ADD3: variants seen among roughly 807,000 people sequenced by gnomAD.
ADD3 encodes gamma-adducin.
ADD3 carries 25 observed loss-of-function variants against 80.2 expected under a neutral mutation model. The ratio of observed to expected loss-of-function variants is 0.31; its 90% CI spans 0.23 to 0.44. ADD3 has a LOEUF of 0.44. ADD3 is among the 20% of genes least tolerant of loss of function. The pLI is 1.00. For synonymous variants in ADD3, 284 were observed against 289.6 expected (o/e 0.98, Z 0.20); for missense variants, 829 against 847.5 (o/e 0.98, Z 0.27).
At chr10:110,054,986 C>A (rs970865722) in intron 1 of ADD3, among the ~76,000 whole-genome samples, 3 of 152,102 alleles carry the variant, frequency 2.0e-5, no homozygotes, top group Non-Finnish European at 2.9e-5. Context: ...TGGTTTTGAA[C>A]TCCTGACCTC....
chr10:110,116,969 A>G (rs905079243), intron 4 of ADD3, among the ~76,000 whole-genome samples: 1 of 152,006 alleles, frequency 6.6e-6, no homozygotes, highest in African/African-American at 2.4e-5. Context: ...CTAGGAAGAG[A>G]TTTTGTTCTC....
intron 1 of ADD3, chr10:110,077,224 ATTC>A (rs755003807): frequency 3.6e-4 from 55 of 152,094 alleles, no homozygotes; most frequent in Non-Finnish European, 6.2e-4. Context: ...AACATGCAAT[ATTC>A]TTCTTTGGGA....
In ADD3 at chr10:110,132,348, A is replaced by C. The variant is rs1853134320; in HGVS notation, c.1776A>C (p.Ser592=). The change falls in exon 14 of 15, where the codon TCA becomes TCC. Residue 592 remains serine (S), a synonymous_variant. Transcript: ENST00000356080. ...TCTCAGATGACGCTTCATCTGTTTCACAAATTCAGTCTCAAACTCAGTCAC... is the reference window on the plus strand; with the variant it reads ...TCTCAGATGACGCTTCATCTGTTTCCCAAATTCAGTCTCAAACTCAGTCAC... The part of the protein sequence containing the change: ...ELLSDDASSV[S]QIQSQTQSPQ... 1.9e-6 allele frequency: 3 copies of C among 1,613,842 alleles called. No individual in the cohort carries two copies. Among genetic ancestry groups the C allele is most frequent in the Non-Finnish European group, 2.5e-6 (3 of 1,179,960 alleles).
intron 12 of ADD3, among the ~76,000 whole-genome samples, chr10:110,129,216 C>G (rs1306857175): frequency 6.6e-6 from 1 of 151,008 alleles, no homozygotes; most frequent in African/African-American, 2.4e-5. Flanking sequence ...ATGGCGTGAC[C>G]TCAGCTCACG....
chr10:110,003,071 C>T (rs1217673865), upstream of ADD3, among the ~76,000 whole-genome samples: 1 of 152,096 alleles, frequency 6.6e-6, no homozygotes, highest in Non-Finnish European at 1.5e-5. Context: ...ATGAATGGCT[C>T]ATCTAACTCC....
In ADD3 at chr10:110,030,310, C is replaced by T. The variant is rs11194961; in HGVS notation, c.-30+22011C>T. ...TGCACTCCAGCCTGGGCAATAAGAG[C>T]GAAACTCCATCTTAAAAAAAAAAAA... On this transcript the variant is annotated intron_variant, in intron 1 of 14. Transcript: ENST00000356080. Among the ~76,000 whole-genome samples, 12 of 142,184 alleles carry T rather than the reference C, an allele frequency of 8.4e-5. No homozygotes were observed. In the East Asian group the frequency reaches 1.8e-3, roughly 21 times the overall value. 93.3% of individuals were successfully genotyped at this position (142,184 alleles called of 152,430 possible). A position where few individuals can be genotyped will look rare whatever the true frequency, so the allele number is the denominator to read the frequency against.
chr10:110,051,659 G>T (rs1197115294), intron 1 of ADD3, among the ~76,000 whole-genome samples: 1 of 152,222 alleles, frequency 6.6e-6, no homozygotes, highest in Non-Finnish European at 1.5e-5. Flanking sequence ...ATGTAGAGAA[G>T]TGTGCATTCT....
intron 3 of ADD3, among the ~76,000 whole-genome samples, chr10:110,115,493 C>T (rs746888829): frequency 6.6e-6 from 1 of 151,948 alleles, no homozygotes; most frequent in South Asian, 2.1e-4. Flanking sequence ...TAGGGAGGCT[C>T]AAGAGTCTAT....
intron 3 of ADD3, among the ~76,000 whole-genome samples, chr10:110,113,358 C>G (rs1274894757): frequency 6.6e-6 from 1 of 152,176 alleles, no homozygotes; most frequent in Admixed American, 6.5e-5. Flanking sequence ...ACCTCCACCT[C>G]GCAGGTTCAA....
chr10:110,000,183 G>A (rs1367766803), intron 1 of ADD3, among the ~76,000 whole-genome samples: 1 of 152,180 alleles, frequency 6.6e-6, no homozygotes, highest in African/African-American at 2.4e-5. Flanking sequence ...GCCTCCCAAA[G>A]TGTTGGGATT....
chr10:110,002,322 G>A (rs1047267105), upstream of ADD3, among the ~76,000 whole-genome samples: 4 of 151,996 alleles, frequency 2.6e-5, no homozygotes, highest in African/African-American at 4.8e-5. Flanking sequence ...CACCCAGGCT[G>A]GAGTGCAGTG....
chr10:109,998,546 G>C (rs200805148), intron 1 of ADD3, among the ~76,000 whole-genome samples: 1 of 150,120 alleles, frequency 6.7e-6, no homozygotes, highest in African/African-American at 2.4e-5. Flanking sequence ...AAATGAGACT[G>C]TAGCCTTCCT....
rs78809507 is a variant in ADD3, at chr10:110,000,318, T to C, written n.79+3872T>C. Among the ~76,000 whole-genome samples, 43 of 152,352 alleles carry C rather than the reference T, an allele frequency of 2.8e-4. No individual in the cohort carries two copies. The East Asian group carries it at 7.7e-3, about 27-fold the overall frequency. Reference sequence around the variant, plus strand: ...CTGCTGTAAATAATAAGATGATTTATAGCTCTGAGAGTTAATGATTTGTAT... The same window carrying C: ...CTGCTGTAAATAATAAGATGATTTACAGCTCTGAGAGTTAATGATTTGTAT... On this transcript the variant is annotated intron_variant and non_coding_transcript_variant, in intron 1 of 5. Transcript: ENST00000468251.
intron 1 of ADD3, among the ~76,000 whole-genome samples, chr10:110,051,908 T>G (rs1188769116): frequency 6.6e-6 from 1 of 152,286 alleles, no homozygotes; most frequent in African/African-American, 2.4e-5. Flanking sequence ...GTTCAAGCGA[T>G]CCTCCAACCC....
intron 3 of ADD3, among the ~76,000 whole-genome samples, chr10:110,114,932 T>C (rs1405983407): frequency 6.6e-6 from 1 of 151,502 alleles, no homozygotes; most frequent in East Asian, 1.9e-4. Context: ...ATTAAAAAAT[T>C]AGCCAGGTGT....
chr10:110,103,398 A>T (rs1376421966), intron 2 of ADD3, among the ~76,000 whole-genome samples: 2 of 152,226 alleles, frequency 1.3e-5, no homozygotes, highest in Non-Finnish European at 2.9e-5. Context: ...GGCTGCTGTC[A>T]TTTGAACACT....
At chr10:110,047,475 A>G (rs548180418) in intron 1 of ADD3, among the ~76,000 whole-genome samples, 1 of 152,296 alleles carries the variant, frequency 6.6e-6, no homozygotes, top group South Asian at 2.1e-4. Flanking sequence ...CTCCAAATAT[A>G]TATATCGGGT....
At chr10:110,025,118 A>C (rs1589766384) in intron 1 of ADD3, among the ~76,000 whole-genome samples, 2 of 151,018 alleles carry the variant, frequency 1.3e-5, no homozygotes, top group African/African-American at 4.9e-5. Context: ...CTGCTCTTAA[A>C]CTCCTGGCCT....
intron 1 of ADD3, among the ~76,000 whole-genome samples, chr10:110,015,696 G>A (rs1168884311): frequency 6.6e-6 from 1 of 151,242 alleles, no homozygotes; most frequent in Non-Finnish European, 1.5e-5. Flanking sequence ...TTTTTTTTAA[G>A]TGGACATCAA....
Sources: allele counts gnomAD v4.1 joint callset (sites outside exome capture counted in the v4.1 genomes callset), GRCh38; gene constraint gnomAD v4.1.1; transcripts MANE v1.5; gene names NCBI Gene and HGNC (gene_info 2026-07-23, HGNC 2026-07-21).